Variants in CEP63 observed in about 807,000 individuals in gnomAD.
The protein encoded by CEP63 is centrosomal protein of 63 kDa.
Under a neutral mutation model 89.1 loss-of-function variants are expected in CEP63, and 84 were observed. That is an observed-to-expected ratio of 0.94 (90% CI 0.79 to 1.13). The LOEUF (loss-of-function observed/expected upper bound fraction) is 1.13. Among genes scored for constraint, CEP63 ranks in the 50% most tolerant of loss-of-function variants. The pLI is 0.00. For synonymous variants in CEP63, 267 were observed against 272.5 expected, an observed-to-expected ratio of 0.98 and a Z score of 0.20; for missense variants, 838 against 813.3, an observed-to-expected ratio of 1.03 and a Z score of -0.37.
chr3:134,580,848 T>G (rs1209596654), intron 10 of CEP63, among the ~76,000 whole-genome samples: 1 of 152,218 alleles, frequency 6.6e-6, no homozygotes, highest in Non-Finnish European at 1.5e-5. Context: ...ATCTTGCATG[T>G]CAAAGGGAAA....
Position 134,564,518 on chromosome 3 carries a change from T to A in CEP63, c.*2983T>A, listed in dbSNP as rs1957632733. 6 of 985,492 alleles carry A rather than the reference T, an allele frequency of 6.1e-6. No homozygotes were observed. Among genetic ancestry groups the A allele is most frequent in the Non-Finnish European group, 7.2e-6 (6 of 829,960 alleles). The allele number at this position is 985,492 out of a possible 1,614,324, so 61.0% of individuals were successfully genotyped here. A position where few individuals can be genotyped will look rare whatever the true frequency, so the allele number is the denominator to read the frequency against. On this transcript the variant is annotated 3_prime_UTR_variant, in exon 15 of 15. Transcript: ENST00000675561. ...TGTCTTTCAGGGGCTAAGTCCTGCC[T>A]ACATCCTCAGTCAGCATGCTGCCTA...
the CEP63 span, among the ~76,000 whole-genome samples, chr3:134,710,659 A>T: frequency 6.6e-6 from 1 of 151,504 alleles, no homozygotes; most frequent in Non-Finnish European, 1.5e-5. Context: ...TAAATTACAC[A>T]ATCGTACTTT....
chr3:134,579,732 G>A (rs949091403), downstream of CEP63, among the ~76,000 whole-genome samples: 1 of 152,146 alleles, frequency 6.6e-6, no homozygotes, highest in African/African-American at 2.4e-5. Flanking sequence ...ACATTTGTAT[G>A]TTGATATAAA....
At chr3:134,753,472 C>A in the CEP63 span, among the ~76,000 whole-genome samples, 1 of 152,146 alleles carries the variant, frequency 6.6e-6, no homozygotes, top group Admixed American at 6.5e-5. Flanking sequence ...AGCTAAGGAC[C>A]CTTGGTCTCC....
At chr3:134,750,595 A>G in the CEP63 span, among the ~76,000 whole-genome samples, 96 of 152,246 alleles carry the variant, frequency 6.3e-4, no homozygotes, top group African/African-American at 2.1e-3. Context: ...CCAACCTGAC[A>G]CTAGCAGAAC....
At chr3:134,688,041 A>C in the CEP63 span, among the ~76,000 whole-genome samples, 1 of 152,236 alleles carries the variant, frequency 6.6e-6, no homozygotes, top group Admixed American at 6.5e-5. Context: ...TTACCATATG[A>C]TATAGAAATC....
the CEP63 span, chr3:134,627,783 G>C: frequency 6.2e-7 from 1 of 1,613,830 alleles, no homozygotes; most frequent in African/African-American, 1.3e-5. Context: ...CCAGGTTGCC[G>C]GGGTCTTGTG....
intron 3 of CEP63, among the ~76,000 whole-genome samples, chr3:134,513,691 T>G (rs1406535435): frequency 2.0e-5 from 3 of 152,184 alleles, no homozygotes; most frequent in African/African-American, 7.2e-5. Context: ...GAACGCCTCC[T>G]CAGTTTGGCT....
chr3:134,509,576 T>C (rs1944352503), intron 3 of CEP63, among the ~76,000 whole-genome samples: 1 of 152,224 alleles, frequency 6.6e-6, no homozygotes, highest in South Asian at 2.1e-4. Flanking sequence ...CTCTTTCCAG[T>C]GCATTATTTT....
chr3:134,667,021 C>T, the CEP63 span, among the ~76,000 whole-genome samples: 1 of 152,160 alleles, frequency 6.6e-6, no homozygotes, highest in Non-Finnish European at 1.5e-5. Flanking sequence ...AGGCTGAGAT[C>T]CCAAACTCAG....
At chr3:134,574,744 C>T (rs747494463) in intron 11 of CEP63, 81 of 570,580 alleles carry the variant, frequency 1.4e-4, no homozygotes, top group Middle Eastern at 4.6e-4. Context: ...GCTGGGACTT[C>T]AGGCACGTGC....
the CEP63 span, among the ~76,000 whole-genome samples, chr3:134,630,301 A>T: frequency 6.6e-6 from 1 of 152,224 alleles, no homozygotes; most frequent in Non-Finnish European, 1.5e-5. Context: ...GGCAGCAGTG[A>T]TGTTGGTGGC....
the CEP63 span, among the ~76,000 whole-genome samples, chr3:134,661,378 T>C: frequency 1.3e-5 from 2 of 152,216 alleles, no homozygotes; most frequent in Non-Finnish European, 2.9e-5. Context: ...TCTTTATTCA[T>C]TCAGTTACCC....
intron 9 of CEP63, among the ~76,000 whole-genome samples, chr3:134,548,095 C>T (rs1953945357): frequency 6.6e-6 from 1 of 152,168 alleles, no homozygotes; most frequent in African/African-American, 2.4e-5. Context: ...TTTCTGTCTG[C>T]TGAATCTATC....
chr3:134,643,402 C>A, the CEP63 span: 1 of 1,604,968 alleles, frequency 6.2e-7, no homozygotes, highest in Admixed American at 1.7e-5. Flanking sequence ...ACAGAGAGGC[C>A]TGCAGTGACC....
chr3:134,576,355 A>ACTGAGTTC (rs1459955751), downstream of CEP63, among the ~76,000 whole-genome samples: 1 of 152,238 alleles, frequency 6.6e-6, no homozygotes, highest in East Asian at 1.9e-4. Flanking sequence ...ATCTTAGAAG[A>ACTGAGTTC]CTGAGTTCCT....
downstream of CEP63, among the ~76,000 whole-genome samples, chr3:134,565,670 G>T (rs191015459): frequency 4.6e-5 from 7 of 151,936 alleles, no homozygotes; most frequent in East Asian, 1.4e-3. Flanking sequence ...GAATCTAGTT[G>T]TCCAGTCCAG....
intron 6 of CEP63, among the ~76,000 whole-genome samples, chr3:134,541,890 AGTT>A (rs960739289): frequency 2.6e-5 from 4 of 152,186 alleles, no homozygotes; most frequent in Non-Finnish European, 5.9e-5. Context: ...TAAAAAGTAC[AGTT>A]GTTAAACTGT....
chr3:134,636,493 C>T, the CEP63 span, among the ~76,000 whole-genome samples: 1 of 152,204 alleles, frequency 6.6e-6, no homozygotes, highest in Non-Finnish European at 1.5e-5. Context: ...CCATAACAGC[C>T]ATGTGAATGA....
Sources: gnomAD v4.1 joint callset for allele counts (sites outside exome capture counted in the v4.1 genomes callset) on GRCh38, gnomAD v4.1.1 for gene constraint, MANE v1.5 for transcripts, NCBI Gene and HGNC (gene_info 2026-07-23, HGNC 2026-07-21) for gene names.